ACRBP: variants seen among roughly 807,000 people sequenced by gnomAD.
The protein encoded by ACRBP is acrosin-binding protein.
ACRBP carries 52 observed loss-of-function variants against 69.0 expected under a neutral mutation model. The ratio of observed to expected loss-of-function variants is 0.75; its 90% CI spans 0.60 to 0.95. The LOEUF (loss-of-function observed/expected upper bound fraction) is 0.95, where lower values mean the gene tolerates loss of function less well. ACRBP is among the 40% of genes least tolerant of loss of function. The pLI, the probability that ACRBP is intolerant of heterozygous loss-of-function variation, is 0.00. For synonymous variants in ACRBP, 267 were observed against 258.9 expected (o/e 1.03, Z -0.30); for missense variants, 604 against 673.0 (o/e 0.90, Z 1.13).
chr12:6,645,494 G>C (rs550896657), intron 3 of ACRBP, among the ~76,000 whole-genome samples, 157 bp from the exon 4 acceptor site: 4 of 152,158 alleles, frequency 2.6e-5, no homozygotes, highest in South Asian at 2.1e-4. Flanking sequence ...ACCTGAGAAA[G>C]GGTCCCTTCA....
chr12:6,642,085 A>T (rs1423289472), intron 6 of ACRBP, among the ~76,000 whole-genome samples: 1 of 152,118 alleles, frequency 6.6e-6, no homozygotes, highest in Non-Finnish European at 1.5e-5. Context: ...AACCCACCCC[A>T]TCTGCTCTCT....
At chr12:6,638,753 CAG>C (rs935563443) in intron 9 of ACRBP, 199 bp downstream of exon 9, 3 of 1,436,832 alleles carry the variant, frequency 2.1e-6, no homozygotes, top group Admixed American at 5.6e-5. Flanking sequence ...TGTTATCCAC[CAG>C]CTGCCTAGGA....
chr12:6,642,509 A>AT (rs1279043041), intron 6 of ACRBP, among the ~76,000 whole-genome samples: 3 of 152,312 alleles, frequency 2.0e-5, no homozygotes, highest in African/African-American at 7.2e-5. Context: ...TTAACCCATC[A>AT]TTCCAGTACC....
chr12:6,645,378 G>A (rs368595038), intron 3 of ACRBP, 41 bp from the exon 4 acceptor site: 1 of 1,470,358 alleles, frequency 6.8e-7, no homozygotes, highest in Admixed American at 1.7e-5. Flanking sequence ...TTTCCTAAAG[G>A]GCAGACTTCT....
intron 4 of ACRBP, 109 bp from the exon 5 acceptor site, chr12:6,644,714 T>A: frequency 6.9e-7 from 1 of 1,455,442 alleles, no homozygotes; most frequent in Non-Finnish European, 9.1e-7. Flanking sequence ...AAGTCACACT[T>A]ATACACACAG....
chr12:6,646,654 A>G (rs956969827), intron 2 of ACRBP, 77 bp from the exon 3 acceptor site: 1 of 1,503,618 alleles, frequency 6.7e-7, no homozygotes, highest in African/African-American at 1.4e-5. Flanking sequence ...ACTCCACGCC[A>G]TGGGGAGGGT....
chr12:6,640,336 T>C lies in ACRBP; in HGVS notation c.1257+7A>G. On this transcript the variant is annotated splice_region_variant and intron_variant, in intron 7 of 9. Transcript: ENST00000229243. This position sits in a 1 kb window ranked among gnomAD's most constrained non-coding sequence, Gnocchi z 5.3. ...CCTTTCCCACTGCGGGCTGCCGGGCTAGATACCTGGTTGCCGATGGACAGG... is the reference window on the plus strand; with the variant it reads ...CCTTTCCCACTGCGGGCTGCCGGGCCAGATACCTGGTTGCCGATGGACAGG... The C allele has an allele frequency of 1.2e-6, 2 of 1,613,580 alleles. No homozygotes were observed. Among genetic ancestry groups the C allele is most frequent in the Non-Finnish European group, 1.7e-6 (2 of 1,179,838 alleles).
chr12:6,640,751 A>G lies in ACRBP; in HGVS notation c.1078-229T>C, dbSNP rs961703676. 6.6e-6 allele frequency among the ~76,000 whole-genome samples: 1 copy of G among 152,168 alleles called. No homozygotes were observed. The highest frequency in any genetic ancestry group is 1.5e-5 in the Non-Finnish European group (1 of 68,018). On this transcript the variant is annotated intron_variant, in intron 6 of 9. Coordinates refer to ENST00000229243, the MANE Select transcript of ACRBP (RefSeq NM_032489.3). The surrounding 1 kb of genome is among the most constrained non-coding windows in gnomAD (Gnocchi z 5.3). ...TTTATCTACTCCTAGGTAATCATCT[A>G]TCTGCGAGTGACACCCAAATCTTTA...
In ACRBP at chr12:6,646,497, C is replaced by T. The variant is rs781225787; in HGVS notation, c.343G>A (p.Val115Ile). 1.2e-6 allele frequency: 2 copies of T among 1,614,072 alleles called. No homozygotes were observed. Among genetic ancestry groups the T allele is most frequent in the Non-Finnish European group, 1.7e-6 (2 of 1,180,020 alleles). The stretch of plus-strand genomic sequence containing the variant: ...CTGGGCCTCACCTTGGCATAGTAGA[C>T]GTGGTTGGAGCAACGGTAGTGAGTG... ...QFTHYRCSNHVYYAKRVLCSQ... is the reference protein window; with the variant it reads ...QFTHYRCSNHIYYAKRVLCSQ... The change falls in exon 3 of 10, where the codon GTC becomes ATC. Residue 115 changes from valine (V) to isoleucine (I), a missense_variant. By Grantham distance (29) the Val-to-Ile change is conservative. Around this residue, in one of 3 missense-constraint regions of ACRBP, gnomAD observed 532 missense variants for 562.9 expected, o/e 0.95. Coordinates refer to ENST00000229243, the MANE Select transcript of ACRBP (RefSeq NM_032489.3).
Position 6,644,276 on chromosome 12 carries a change from C to T in ACRBP, c.805G>A (p.Ala269Thr), listed in dbSNP as rs1389927095. Residue 269 changes from alanine (A) to threonine (T), a missense_variant, in exon 5 of 10, where the codon GCT becomes ACT. Around this residue, in one of 3 missense-constraint regions of ACRBP, gnomAD observed 532 missense variants for 562.9 expected, o/e 0.95. Transcript: ENST00000229243. ...ESLSSNPSSF[A>T]PRVREVESTP... Reference sequence around the variant, plus strand: ...GACTCTACTTCTCGTACCCGGGGAGCAAAAGAGGAAGGGTTAGAAGATAGA... The same window carrying T: ...GACTCTACTTCTCGTACCCGGGGAGTAAAAGAGGAAGGGTTAGAAGATAGA... The T allele has an allele frequency of 6.2e-7, 1 of 1,614,008 alleles. No homozygotes were observed. Among genetic ancestry groups the T allele is most frequent in the Non-Finnish European group, 8.5e-7 (1 of 1,180,034 alleles).
Position 6,645,254 on chromosome 12 carries a change from G to C in ACRBP, c.441C>G (p.Thr147=). Reference sequence around the variant, plus strand: ...GGGGTGAGATGGGGGAGGTCATCGTGGTGGGTGAGACTTCAGCTGAAGCTT... The same window carrying C: ...GGGGTGAGATGGGGGAGGTCATCGTCGTGGGTGAGACTTCAGCTGAAGCTT... ...EIEASAEVSP[T]TMTSPISPHF... Residue 147 remains threonine (T), a synonymous_variant, in exon 4 of 10, where the codon ACC becomes ACG. Coordinates refer to ENST00000229243, the MANE Select transcript of ACRBP (RefSeq NM_032489.3). 1 of 1,613,752 alleles carries C rather than the reference G, an allele frequency of 6.2e-7. No individual in the cohort carries two copies. The highest frequency in any genetic ancestry group is 8.5e-7 in the Non-Finnish European group (1 of 1,179,876).
intron 2 of ACRBP, 24 bp downstream of exon 2, chr12:6,646,770 T>A: frequency 6.2e-7 from 1 of 1,612,726 alleles, no homozygotes. Flanking sequence ...GGTGCCTCGG[T>A]TTCCCCCCTA....
rs1363702976 is a variant in ACRBP at position 6,644,625 on chromosome 12, G to C, written c.476-20C>G. On this transcript the variant is annotated intron_variant, in intron 4 of 9. Transcript: ENST00000229243. ...CTGTCACTACAGCAGGGTTTAGAGA[G>C]AAGGGAGAGAGACAGTCAGGCTTCT... 1.9e-6 allele frequency: 3 copies of C among 1,587,566 alleles called. No individual in the cohort carries two copies. In the Admixed American group the frequency reaches 5.4e-5, roughly 29 times the overall value.
rs1182770057 is a variant in ACRBP, at chr12:6,646,778, C to T, written c.262+16G>A. 6.2e-7 allele frequency: 1 copy of T among 1,613,266 alleles called. No homozygotes were observed. The highest frequency in any genetic ancestry group is 1.3e-5 in the African/African-American group (1 of 75,022). The stretch of plus-strand genomic sequence containing the variant: ...CACTCTGGGTGCCTCGGTTTCCCCC[C>T]TAGTCTGGCCCTCACCATCGGGCAC... On this transcript the variant is annotated intron_variant, in intron 2 of 9. Transcript: ENST00000229243.
chr12:6,643,943 A>C (rs1949070499), intron 5 of ACRBP, 194 bp downstream of exon 5: 1 of 1,183,624 alleles, frequency 8.4e-7, no homozygotes, highest in Admixed American at 2.9e-5. Context: ...TACAGGGCTT[A>C]CATAGAGAAT....
chr12:6,642,740 G>A (rs770761483), intron 6 of ACRBP, among the ~76,000 whole-genome samples: 6 of 152,210 alleles, frequency 3.9e-5, no homozygotes, highest in Non-Finnish European at 7.3e-5. Flanking sequence ...CAGATGAATG[G>A]ATGGTATCTG....
chr12:6,645,923 G>A (rs1949084641), intron 3 of ACRBP, among the ~76,000 whole-genome samples: 1 of 151,560 alleles, frequency 6.6e-6, no homozygotes, highest in Non-Finnish European at 1.5e-5. Flanking sequence ...GCCTCCCAAA[G>A]TGCTGGGATT....
chr12:6,645,013 G>T (rs1033637028), intron 4 of ACRBP, among the ~76,000 whole-genome samples: 2 of 152,238 alleles, frequency 1.3e-5, no homozygotes, highest in Non-Finnish European at 2.9e-5. Context: ...GGGCAAAATT[G>T]TAAGTAATGG....
In ACRBP at chr12:6,640,052, G is replaced by A. The variant is rs772945711; in HGVS notation, c.1425+8C>T. 6 of 1,614,080 alleles carry A rather than the reference G, an allele frequency of 3.7e-6. No individual in the cohort carries two copies. Among genetic ancestry groups the A allele is most frequent in the Non-Finnish European group, 5.1e-6 (6 of 1,179,986 alleles). The stretch of plus-strand genomic sequence containing the variant: ...GGATGGGGCTGAGCTTTGGGGAAAG[G>A]TTCTAACCTTGGTAGGGAAATCCCC... On this transcript the variant is annotated splice_region_variant and intron_variant, in intron 8 of 9. Transcript: ENST00000229243. This position sits in a 1 kb window ranked among gnomAD's most constrained non-coding sequence, Gnocchi z 5.3.
Sources: gnomAD v4.1 joint callset for allele counts (sites outside exome capture counted in the v4.1 genomes callset) on GRCh38, gnomAD v4.1.1 for gene constraint, gnomAD v4.1.1 regional missense constraint, Gnocchi (gnomAD v3.1) non-coding constraint, MANE v1.5 for transcripts, NCBI Gene and HGNC (gene_info 2026-07-23, HGNC 2026-07-21) for gene names.